STX8: variants seen among roughly 807,000 people sequenced by gnomAD.
STX8 encodes syntaxin 8.
A neutral mutation model predicts 37.5 loss-of-function variants in STX8; 23 were observed. The observed-to-expected ratio is 0.61, with a 90% CI of 0.44 to 0.87. The LOEUF is 0.87. STX8 is among the 40% of genes least tolerant of loss of function. The pLI, the probability that STX8 is intolerant of heterozygous loss-of-function variation, is 0.00. For synonymous variants in STX8, 115 were observed against 99.1 expected (o/e 1.16, Z -0.95); for missense variants, 313 against 284.7 (o/e 1.10, Z -0.71).
At chr17:9,573,708 C>T (rs1333941044) in intron 1 of STX8, among the ~76,000 whole-genome samples, 1 of 152,114 alleles carries the variant, frequency 6.6e-6, no homozygotes, top group African/African-American at 2.4e-5. Context: ...AATGTTTATA[C>T]CCTTGAGCCC....
At chr17:9,302,302 CAA>C (rs1183005716) in intron 7 of STX8, among the ~76,000 whole-genome samples, 1 of 151,666 alleles carries the variant, frequency 6.6e-6, no homozygotes, top group African/African-American at 2.4e-5. Context: ...TCTTTTTTGC[CAA>C]AATACTTGGC....
chr17:9,561,452 A>T (rs1371800434), intron 2 of STX8, among the ~76,000 whole-genome samples: 3 of 152,122 alleles, frequency 2.0e-5, no homozygotes, highest in African/African-American at 7.2e-5. Context: ...TGAGACCAAG[A>T]GTTTGAGACC....
intron 6 of STX8, among the ~76,000 whole-genome samples, chr17:9,454,401 G>C (rs111260784): frequency 6.6e-6 from 1 of 152,110 alleles, no homozygotes; most frequent in African/African-American, 2.4e-5. Flanking sequence ...CGGGCTGGCC[G>C]GGCGCGGTGG....
intron 6 of STX8, among the ~76,000 whole-genome samples, chr17:9,441,943 G>A (rs182342097): frequency 6.6e-6 from 1 of 152,010 alleles, no homozygotes; most frequent in East Asian, 1.9e-4. Flanking sequence ...CCAAAGTGCT[G>A]GGATTACATA....
chr17:9,372,867 G>T (rs1208963316), intron 7 of STX8, among the ~76,000 whole-genome samples: 1 of 150,154 alleles, frequency 6.7e-6, no homozygotes, highest in East Asian at 2.0e-4. Flanking sequence ...ACTTTGGTAG[G>T]CTGAGGTGGG....
chr17:9,353,832 G>A (rs1346522432), intron 7 of STX8, among the ~76,000 whole-genome samples: 1 of 151,980 alleles, frequency 6.6e-6, no homozygotes, highest in Non-Finnish European at 1.5e-5. Context: ...TATTTCTCAA[G>A]ATATAACAGA....
chr17:9,403,307 T>C (rs148482853), intron 6 of STX8, among the ~76,000 whole-genome samples: 6 of 152,310 alleles, frequency 3.9e-5, no homozygotes, highest in African/African-American at 1.2e-4. Context: ...AAGCAATTAC[T>C]TTAGAGAAAA....
chr17:9,560,929 A>G lies in STX8; in HGVS notation c.118-3401T>C, dbSNP rs187642729. On this transcript the variant is annotated intron_variant, in intron 2 of 7. Coordinates refer to ENST00000306357, the MANE Select transcript of STX8 (RefSeq NM_004853.3). ...CAGCTTCAGTAGTGCAACATAACAA[A>G]TGGCCCAGAAACAATGTAGCTGTAT... Among the ~76,000 whole-genome samples, 26 of 152,322 alleles carry G rather than the reference A, an allele frequency of 1.7e-4. No homozygotes were observed. In the East Asian group the frequency reaches 4.8e-3, roughly 28 times the overall value.
intron 7 of STX8, among the ~76,000 whole-genome samples, chr17:9,284,716 T>A (rs1167277906): frequency 6.6e-6 from 1 of 152,246 alleles, no homozygotes; most frequent in African/African-American, 2.4e-5. Context: ...GATCTTTTAA[T>A]CAGCAGAATA....
chr17:9,557,331 C>T (rs1373332975), intron 3 of STX8, 103 bp downstream of exon 3: 2 of 902,890 alleles, frequency 2.2e-6, no homozygotes, highest in East Asian at 2.6e-5. Flanking sequence ...AGGTCTTCCT[C>T]AAGCTGTGGG....
At chr17:9,450,103 G>T (rs1322260755) in intron 6 of STX8, among the ~76,000 whole-genome samples, 6 of 151,438 alleles carry the variant, frequency 4.0e-5, no homozygotes, top group Admixed American at 3.9e-4. Flanking sequence ...TTTTGAGATG[G>T]AGTCTCGCTC....
chr17:9,518,868 CA>C lies in STX8; in HGVS notation c.324-13707del, dbSNP rs58589067. Among the ~76,000 whole-genome samples, 232 of 99,904 alleles carry C rather than the reference CA, an allele frequency of 2.3e-3. 1 individual carries two copies. The highest frequency in any genetic ancestry group is 3.7e-3 in the Admixed American group (34 of 9,090). The allele number at this position is 99,904 out of a possible 152,430, so 65.5% of individuals were successfully genotyped here. ...TGGGCGGCAGAGCGAGACTCCGTCT[CA>C]AAAAAAAAAAAAAAAGAATAAATGC... On this transcript the variant is annotated intron_variant, in intron 4 of 7. Coordinates refer to ENST00000306357, the MANE Select transcript of STX8 (RefSeq NM_004853.3).
In STX8 at chr17:9,545,262, C is replaced by T. The variant is rs1275069102; in HGVS notation, c.233G>A (p.Arg78Gln). 20 of 1,613,998 alleles carry T rather than the reference C, an allele frequency of 1.2e-5. No individual in the cohort carries two copies. Among genetic ancestry groups the T allele is most frequent in the South Asian group, 4.4e-5 (4 of 91,060 alleles). The change falls in exon 4 of 8, where the codon CGA becomes CAA. Residue 78 changes from arginine (R) to glutamine (Q), a missense_variant. Arg to Gln is a conservative substitution (Grantham distance 43). Transcript: ENST00000306357. The stretch of plus-strand genomic sequence containing the variant: ...AAGATCATCCAAGAGGTTCTGTCTT[C>T]GGTCCCCTTCAAGCTGTGTTCTGCA... ...THQITQLEGDRRQNLLDDLVT... is the reference protein window; with the variant it reads ...THQITQLEGDQRQNLLDDLVT...
chr17:9,496,036 A>G (rs1016058955), intron 5 of STX8, among the ~76,000 whole-genome samples: 6 of 105,646 alleles, frequency 5.7e-5, no homozygotes, highest in African/African-American at 2.2e-4. Flanking sequence ...AAAGAAAAAA[A>G]GAAGAAGAAA....
intron 6 of STX8, among the ~76,000 whole-genome samples, chr17:9,423,832 C>T (rs753350335): frequency 6.6e-6 from 1 of 152,132 alleles, no homozygotes; most frequent in Non-Finnish European, 1.5e-5. Flanking sequence ...TCTTTAAAGA[C>T]GCCGTCCATA....
chr17:9,542,453 A>C lies in STX8; in HGVS notation c.323+2719T>G, dbSNP rs1415716828. 3.9e-5 allele frequency among the ~76,000 whole-genome samples: 6 copies of C among 152,232 alleles called. No individual in the cohort carries two copies. The East Asian group carries it at 5.8e-4, about 15-fold the overall frequency. ...AGCACTTTGGGAGGCCGAGGCAGGC[A>C]GATCACGAGGTCAGGAAATCGAGAC... On this transcript the variant is annotated intron_variant, in intron 4 of 7. Coordinates refer to ENST00000306357, the MANE Select transcript of STX8 (RefSeq NM_004853.3).
chr17:9,418,533 A>C (rs1357383966), intron 6 of STX8, among the ~76,000 whole-genome samples: 4 of 135,396 alleles, frequency 3.0e-5, no homozygotes, highest in South Asian at 4.6e-4. Context: ...AAAAAAAAAC[A>C]AAAAAAAAAA....
chr17:9,530,325 A>C (rs1455740388), intron 4 of STX8, among the ~76,000 whole-genome samples: 7 of 152,224 alleles, frequency 4.6e-5, no homozygotes, highest in Non-Finnish European at 8.8e-5. Flanking sequence ...AAAAAAAAAA[A>C]AAACAGCACT....
intron 7 of STX8, among the ~76,000 whole-genome samples, chr17:9,315,234 C>G (rs1400677826): frequency 4.0e-5 from 6 of 151,862 alleles, no homozygotes. Flanking sequence ...TCATTATACC[C>G]CCTCCCTCAC....
Sources: allele counts gnomAD v4.1 joint callset (sites outside exome capture counted in the v4.1 genomes callset), GRCh38; gene constraint gnomAD v4.1.1; transcripts MANE v1.5; gene names NCBI Gene and HGNC (gene_info 2026-07-23, HGNC 2026-07-21).